CSMD3: variants seen among roughly 807,000 people sequenced by gnomAD.
CSMD3 encodes the protein CUB and Sushi multiple domains 3.
CSMD3 carries 177 observed loss-of-function variants against 435.2 expected under a neutral mutation model. That is an observed-to-expected ratio of 0.41 (90% CI 0.36 to 0.46). CSMD3 has a LOEUF of 0.46. Ranked by LOEUF, CSMD3 falls within the 20% of genes least tolerant of loss-of-function variation. The probability of loss-of-function intolerance (pLI) is 0.34; values close to 1 mark genes in which losing one functional copy is unlikely to be tolerated. For synonymous variants in CSMD3, 1,656 were observed against 1,520.5 expected (o/e 1.09, Z -2.07); for missense variants, 4,265 against 4,504.6 (o/e 0.95, Z 1.52).
At chr8:112,409,150 A>AT (rs1254495295) in intron 32 of CSMD3, 118 bp from the exon 33 acceptor site, 34 of 1,525,594 alleles carry the variant, frequency 2.2e-5, no homozygotes, top group African/African-American at 5.6e-5. Context: ...TATAATAGTC[A>AT]TTTTTTTTCT....
At chr8:112,554,400 A>G (rs986740372) in intron 25 of CSMD3, among the ~76,000 whole-genome samples, 5 of 152,010 alleles carry the variant, frequency 3.3e-5, no homozygotes, top group Non-Finnish European at 7.4e-5. Context: ...TGTTATCACC[A>G]TTTATGGTTT....
intron 10 of CSMD3, among the ~76,000 whole-genome samples, chr8:112,908,960 T>C (rs1410648851): frequency 6.6e-6 from 1 of 151,592 alleles, no homozygotes. Flanking sequence ...TTTTCAGAAG[T>C]CATTTCTATA....
chr8:112,673,272 C>T (rs2075698448), intron 16 of CSMD3, among the ~76,000 whole-genome samples: 1 of 151,042 alleles, frequency 6.6e-6, no homozygotes, highest in Non-Finnish European at 1.5e-5. Flanking sequence ...AAAAAAATTA[C>T]AATGAACAAG....
intron 27 of CSMD3, among the ~76,000 whole-genome samples, chr8:112,545,499 A>T (rs368613071): frequency 0.035 from 4,874 of 141,104 alleles, 149 homozygotes; most frequent in Middle Eastern, 0.084. Context: ...AAAAAAAAAA[A>T]AAAATAATAA....
intron 10 of CSMD3, among the ~76,000 whole-genome samples, chr8:112,867,804 G>A (rs1400553438): frequency 6.6e-6 from 1 of 152,114 alleles, no homozygotes; most frequent in East Asian, 1.9e-4. Context: ...AGAGTGAGGA[G>A]TGAATGTGAA....
intron 1 of CSMD3, among the ~76,000 whole-genome samples, chr8:113,392,909 T>C (rs1036894095): frequency 1.3e-5 from 2 of 151,732 alleles, no homozygotes; most frequent in Non-Finnish European, 2.9e-5. Flanking sequence ...CTCCTTCCAA[T>C]GCACACTAAA....
At chr8:113,153,379 A>T in intron 4 of CSMD3, among the ~76,000 whole-genome samples, 1 of 152,110 alleles carries the variant, frequency 6.6e-6, no homozygotes, top group Admixed American at 6.6e-5. Context: ...TAATATGCCA[A>T]GATGCATAAT....
intron 31 of CSMD3, among the ~76,000 whole-genome samples, chr8:112,473,032 T>C (rs1310265969): frequency 6.6e-6 from 1 of 152,194 alleles, no homozygotes; most frequent in Non-Finnish European, 1.5e-5. Context: ...AATGATAAAA[T>C]ACATATGCAA....
At chr8:112,899,599 TTATATATATATATATATATA>T (rs71309794) in intron 10 of CSMD3, among the ~76,000 whole-genome samples, 3 of 100,026 alleles carry the variant, frequency 3.0e-5, no homozygotes, top group Non-Finnish European at 4.0e-5. Flanking sequence ...CTTGTCTATT[TTATATATATATATATATATA>T]TATATATATA....
At chr8:113,218,068 G>A (rs921125987) in intron 3 of CSMD3, among the ~76,000 whole-genome samples, 4 of 150,146 alleles carry the variant, frequency 2.7e-5, no homozygotes, top group African/African-American at 7.3e-5. Flanking sequence ...TTCACAGGAT[G>A]CCTTCCTATC....
chr8:112,829,898 C>G (rs1587417658), intron 11 of CSMD3, 109 bp from the exon 12 acceptor site: 6 of 543,996 alleles, frequency 1.1e-5, no homozygotes. Flanking sequence ...CACACACACA[C>G]ACACACACAC....
At chr8:112,603,479 T>C (rs553068498) in intron 22 of CSMD3, among the ~76,000 whole-genome samples, 3 of 152,318 alleles carry the variant, frequency 2.0e-5, no homozygotes, top group South Asian at 4.1e-4. Context: ...TAGTACAGTA[T>C]GTACTGTAGT....
At chr8:112,779,180 T>TGC (rs1328702683) in intron 13 of CSMD3, among the ~76,000 whole-genome samples, 1 of 130,138 alleles carries the variant, frequency 7.7e-6, no homozygotes, top group Non-Finnish European at 1.6e-5. Flanking sequence ...TGTGTGTGTT[T>TGC]GCGTGTGTGT....
chr8:113,247,710 T>A (rs2093290107), intron 3 of CSMD3, among the ~76,000 whole-genome samples: 1 of 152,146 alleles, frequency 6.6e-6, no homozygotes, highest in Admixed American at 6.6e-5. Context: ...AATTAATTGT[T>A]ACCTTCCAGT....
chr8:113,399,457 T>C (rs1460563872), intron 1 of CSMD3, among the ~76,000 whole-genome samples: 2 of 151,912 alleles, frequency 1.3e-5, no homozygotes, highest in East Asian at 3.9e-4. Flanking sequence ...TAAATGTTAT[T>C]TGCCACAAGA....
rs571618814 is a variant in CSMD3, at chr8:113,279,175, G to A, written c.402-471C>T. The stretch of plus-strand genomic sequence containing the variant: ...GACTAAAAATCTCTCTATGAAGAGC[G>A]ATAACATAGTATGAGATATTATATA... On this transcript the variant is annotated intron_variant, in intron 2 of 70. Transcript: ENST00000297405. 6.7e-5 allele frequency among the ~76,000 whole-genome samples: 10 copies of A among 149,984 alleles called. No individual in the cohort carries two copies. The East Asian group carries it at 7.8e-4, about 12-fold the overall frequency.
intron 32 of CSMD3, among the ~76,000 whole-genome samples, chr8:112,472,229 C>T (rs1818585810): frequency 6.6e-6 from 1 of 152,110 alleles, no homozygotes; most frequent in Non-Finnish European, 1.5e-5. Flanking sequence ...TGTAATAGTT[C>T]AATATTTGAC....
chr8:113,114,420 A>C (rs951424478), intron 4 of CSMD3, among the ~76,000 whole-genome samples: 3 of 152,188 alleles, frequency 2.0e-5, no homozygotes, highest in Non-Finnish European at 4.4e-5. Context: ...GAATAAAGCA[A>C]TAAAAATTTA....
chr8:112,983,912 T>C (rs2085149346), intron 6 of CSMD3, among the ~76,000 whole-genome samples: 2 of 152,048 alleles, frequency 1.3e-5, no homozygotes, highest in South Asian at 4.1e-4. Context: ...TCAAGTAAAG[T>C]AGCCTAATAA....
Sources: gnomAD v4.1 joint callset for allele counts (sites outside exome capture counted in the v4.1 genomes callset) on GRCh38, gnomAD v4.1.1 for gene constraint, MANE v1.5 for transcripts, NCBI Gene and HGNC (gene_info 2026-07-23, HGNC 2026-07-21) for gene names.